CAPN10: variants seen among roughly 807,000 people sequenced by gnomAD.
CAPN10 encodes the protein calpain 10, also known as calpain-10.
A neutral mutation model predicts 78.4 loss-of-function variants in CAPN10; 71 were observed. The ratio of observed to expected loss-of-function variants is 0.91; its 90% CI spans 0.75 to 1.10. The LOEUF (loss-of-function observed/expected upper bound fraction) is 1.10, where lower values mean the gene tolerates loss of function less well. Among genes scored for constraint, CAPN10 ranks in the 50% least tolerant of loss-of-function variants. The probability of loss-of-function intolerance (pLI) is 0.00; values close to 1 mark genes in which losing one functional copy is unlikely to be tolerated. For synonymous variants in CAPN10, 437 were observed against 407.2 expected, an observed-to-expected ratio of 1.07 and a Z score of -0.88; for missense variants, 849 against 924.6, an observed-to-expected ratio of 0.92 and a Z score of 1.06.
At chr2:240,596,206 G>C (rs1408719618) in intron 7 of CAPN10, 113 bp from the exon 8 acceptor site, 1 of 1,474,794 alleles carries the variant, frequency 6.8e-7, no homozygotes, top group East Asian at 2.5e-5. Context: ...GACAGGCCTT[G>C]GCGCTTTCAT....
Position 240,595,135 on chromosome 2 carries a change from G to T in CAPN10, c.1109G>T (p.Arg370Leu). 1 of 1,613,982 alleles carries T rather than the reference G, an allele frequency of 6.2e-7. No homozygotes were observed. Among genetic ancestry groups the T allele is most frequent in the Non-Finnish European group, 8.5e-7 (1 of 1,180,038 alleles). The change falls in exon 7 of 12, where the codon CGG (arginine) becomes CTG (leucine). Residue 370 changes from arginine to leucine, a missense_variant. Physicochemically the swap from Arg to Leu is moderately radical, Grantham distance 102 (BLOSUM62 -2). Coordinates refer to ENST00000391984, the MANE Select transcript of CAPN10 (RefSeq NM_023083.4). ...GFPSNPKFWL[R>L]VSEPSEVYIA... is the part of the protein sequence containing the mutation. ...CCCAGCAACCCCAAATTCTGGCTGCGGGTCTCAGAACCGAGTGAGGTGTAC... is the reference window on the plus strand; with the variant it reads ...CCCAGCAACCCCAAATTCTGGCTGCTGGTCTCAGAACCGAGTGAGGTGTAC...
chr2:240,589,663 G>C (rs536480834), intron 2 of CAPN10, 189 bp downstream of exon 2: 5 of 739,822 alleles, frequency 6.8e-6, no homozygotes, highest in East Asian at 2.8e-5. Context: ...GCTGCAGGGG[G>C]GGGTGCCTTG....
chr2:240,587,493 T>G (rs1429489917), intron 1 of CAPN10, among the ~76,000 whole-genome samples: 1 of 152,276 alleles, frequency 6.6e-6, no homozygotes, highest in Non-Finnish European at 1.5e-5. Flanking sequence ...TTTGTGCACC[T>G]GCCTTTCCAG....
intron 3 of CAPN10, 25 bp downstream of exon 3, chr2:240,591,036 C>T: frequency 1.9e-6 from 3 of 1,605,928 alleles, no homozygotes; most frequent in Non-Finnish European, 2.6e-6. Context: ...GGCTGAAGGG[C>T]CTGGCCTGGG....
chr2:240,593,785 T>G, intron 4 of CAPN10, 121 bp from the exon 5 acceptor site: 1 of 1,207,070 alleles, frequency 8.3e-7, no homozygotes, highest in Non-Finnish European at 1.1e-6. Flanking sequence ...GGGTCTCCCG[T>G]GTAGCCATAG....
chr2:240,589,540 A>G, intron 2 of CAPN10, 66 bp downstream of exon 2: 1 of 1,534,094 alleles, frequency 6.5e-7, no homozygotes, highest in Non-Finnish European at 8.7e-7. Context: ...CAGCCTGCTG[A>G]GTACCAGGAG....
At position 240,590,688 on chromosome 2, in the gene CAPN10, A is replaced by G. The variant is rs563824181; in HGVS notation, c.274-127A>G. 7 of 742,808 alleles carry G rather than the reference A, an allele frequency of 9.4e-6. No individual in the cohort carries two copies. In the Admixed American group the frequency reaches 1.0e-4, roughly 11 times the overall value. The allele number at this position is 742,808 out of a possible 1,614,324, so 46.0% of individuals were successfully genotyped here. ...TCTCTGCGACATCCAGGTGTGCGTT[A>G]GAGTTCTCTGCAGACCGCGGTGCCT... On this transcript the variant is annotated intron_variant, in intron 2 of 11. Coordinates refer to ENST00000391984, the MANE Select transcript of CAPN10 (RefSeq NM_023083.4).
Position 240,596,708 on chromosome 2 carries a change from C to A in CAPN10, c.1509C>A (p.Thr503=). ...CCATCAGGGCAGTGGCCAAGAACAC[C>A]ACCCCCGGGGCAGCCCTGCCTGCGG... ...LSAIRAVAKN[T]TPGAALPAGE... is the part of the protein sequence containing the mutation. The change falls in exon 9 of 12, where the codon ACC becomes ACA. Residue 503 remains threonine (T), a synonymous_variant. Transcript: ENST00000391984. 1 of 1,563,508 alleles carries A rather than the reference C, an allele frequency of 6.4e-7. No homozygotes were observed. Among genetic ancestry groups the A allele is most frequent in the Non-Finnish European group, 8.7e-7 (1 of 1,154,012 alleles).
Position 240,598,545 on chromosome 2 carries a change from G to A in CAPN10, c.1990-106G>A, listed in dbSNP as rs778650198. On this transcript the variant is annotated intron_variant, in intron 11 of 11. Coordinates refer to ENST00000391984, the MANE Select transcript of CAPN10 (RefSeq NM_023083.4). ...TGAGAGCCCCGGGCGGTGCCTTGAAGGGCAGGGGGAGCTGAGGCTGCGTCC... is the reference window on the plus strand; with the variant it reads ...TGAGAGCCCCGGGCGGTGCCTTGAAAGGCAGGGGGAGCTGAGGCTGCGTCC... 6 of 1,464,188 alleles carry A rather than the reference G, an allele frequency of 4.1e-6. No homozygotes were observed. The Admixed American group carries it at 9.7e-5, about 24-fold the overall frequency. The allele number at this position is 1,464,188 out of a possible 1,614,324, so 90.7% of individuals were successfully genotyped here. A position where few individuals can be genotyped will look rare whatever the true frequency, so the allele number is the denominator to read the frequency against.
At position 240,596,184 on chromosome 2, in the gene CAPN10, G is replaced by A. The variant is rs563636409; in HGVS notation, c.1279-135G>A. The A allele has an allele frequency of 9.4e-6, 14 of 1,481,542 alleles. No homozygotes were observed. In the African/African-American group the frequency reaches 1.8e-4, roughly 19 times the overall value. 91.8% of individuals were successfully genotyped at this position (1,481,542 alleles called of 1,614,324 possible). A position where few individuals can be genotyped will look rare whatever the true frequency, so the allele number is the denominator to read the frequency against. ...ATCTCTAGCTGGTCCCTGAGAGAGGGTGGAGGGTGCTGACAGGCCTTGGCG... is the reference window on the plus strand; with the variant it reads ...ATCTCTAGCTGGTCCCTGAGAGAGGATGGAGGGTGCTGACAGGCCTTGGCG... On this transcript the variant is annotated intron_variant, in intron 7 of 11. Coordinates refer to ENST00000391984, the MANE Select transcript of CAPN10 (RefSeq NM_023083.4).
chr2:240,589,300 AC>A, intron 1 of CAPN10, 42 bp from the exon 2 acceptor site: 1 of 1,613,852 alleles, frequency 6.2e-7, no homozygotes, highest in Non-Finnish European at 8.5e-7. Flanking sequence ...GAAGGGTTCC[AC>A]AGCAGGCATG....
In CAPN10 at chr2:240,597,679, C is replaced by G. The variant is rs188813972; in HGVS notation, c.1744-209C>G. ...AAGCCCCTGATGATGTGACAGGCCT[C>G]CAGGCGGGGGCCCCACTGCCGGCAC... On this transcript the variant is annotated intron_variant, in intron 9 of 11. Coordinates refer to ENST00000391984, the MANE Select transcript of CAPN10 (RefSeq NM_023083.4). Among the ~76,000 whole-genome samples the G allele has an allele frequency of 3.9e-3, 592 of 152,256 alleles. 3 individuals are homozygous for G. The highest frequency in any genetic ancestry group is 0.013 in the African/African-American group (554 of 41,546).
intron 1 of CAPN10, 146 bp downstream of exon 1, chr2:240,587,198 T>G (rs1334660009): frequency 2.4e-6 from 1 of 414,984 alleles, no homozygotes; most frequent in African/African-American, 2.1e-5. Context: ...CCCGGCCCCC[T>G]CTTTTCGTAC....
chr2:240,595,432 CT>C (rs1156560109), intron 7 of CAPN10, 128 bp downstream of exon 7: 1 of 1,020,764 alleles, frequency 9.8e-7, no homozygotes, highest in Non-Finnish European at 1.4e-6. Flanking sequence ...AGTCTCCCCC[CT>C]CCTTGGGCTG....
chr2:240,596,550 T>C (rs2093138155), intron 8 of CAPN10, 29 bp downstream of exon 8: 1 of 1,570,268 alleles, frequency 6.4e-7, no homozygotes, highest in Non-Finnish European at 8.7e-7. Context: ...TGCTGCTGGC[T>C]CTCCGAGGCC....
intron 1 of CAPN10, among the ~76,000 whole-genome samples, chr2:240,588,937 C>T (rs1016549641): frequency 5.3e-5 from 8 of 151,438 alleles, no homozygotes; most frequent in East Asian, 1.9e-4. Context: ...TTTGAGTAGA[C>T]GGGGAGAAAG....
chr2:240,598,495 C>A, intron 11 of CAPN10, 98 bp downstream of exon 11: 2 of 1,485,308 alleles, frequency 1.3e-6, no homozygotes, highest in African/African-American at 1.4e-5. Context: ...CTGCCTGGGA[C>A]GTGAGGTGCC....
At chr2:240,591,734 T>C in intron 3 of CAPN10, 199 bp from the exon 4 acceptor site, 1 of 598,062 alleles carries the variant, frequency 1.7e-6, no homozygotes, top group Non-Finnish European at 3.0e-6. Context: ...TGCAGGGCGC[T>C]CACGCTTGCT....
intron 1 of CAPN10, among the ~76,000 whole-genome samples, chr2:240,589,075 A>T (rs1179440046): frequency 1.3e-5 from 2 of 152,214 alleles, no homozygotes; most frequent in Middle Eastern, 3.2e-3. Flanking sequence ...CGAAGCCAAC[A>T]TTTAGCTGTT....
Sources: allele counts gnomAD v4.1 joint callset (sites outside exome capture counted in the v4.1 genomes callset), GRCh38; gene constraint gnomAD v4.1.1; transcripts MANE v1.5; gene names NCBI Gene and HGNC (gene_info 2026-07-23, HGNC 2026-07-21).